Variants in ATG10 observed in about 807,000 individuals in gnomAD.
ATG10 encodes the protein ubiquitin-like-conjugating enzyme ATG10.
A neutral mutation model predicts 32.1 loss-of-function variants in ATG10; 30 were observed. The observed-to-expected ratio is 0.94, with a 90% confidence interval of 0.70 to 1.27. The LOEUF (loss-of-function observed/expected upper bound fraction) is 1.27, where lower values mean the gene tolerates loss of function less well. Among genes scored for constraint, ATG10 ranks in the 50% most tolerant of loss-of-function variants. The pLI is 0.00. For synonymous variants in ATG10, 87 were observed against 91.5 expected (o/e 0.95, Z 0.28); for missense variants, 233 against 262.3 (o/e 0.89, Z 0.77).
chr5:82,078,377 A>T lies in ATG10; in HGVS notation c.216+19775A>T, dbSNP rs551449260. 4 of 152,324 alleles carry T rather than the reference A, an allele frequency of 2.6e-5. No individual in the cohort carries two copies. The South Asian group carries it at 6.2e-4, about 24-fold the overall frequency. The allele number at this position is 152,324 out of a possible 1,614,324, so 9.4% of individuals were successfully genotyped here. A position where few individuals can be genotyped will look rare whatever the true frequency, so the allele number is the denominator to read the frequency against. On this transcript the variant is annotated intron_variant, in intron 3 of 7. Coordinates refer to ENST00000282185, the MANE Select transcript of ATG10 (RefSeq NM_031482.5). The stretch of plus-strand genomic sequence containing the variant: ...TTCCTATGACTGCTGTAACACTCCT[A>T]TAGGAAAAGTGGGGAAAGCTTCAGC...
At chr5:82,178,162 G>A (rs911393723) in intron 4 of ATG10, among the ~76,000 whole-genome samples, 6 of 152,064 alleles carry the variant, frequency 3.9e-5, no homozygotes, top group South Asian at 2.1e-4. Flanking sequence ...TATGAATATG[G>A]GAGTCTGTTG....
chr5:82,132,851 G>A (rs563521277), intron 3 of ATG10, among the ~76,000 whole-genome samples: 9 of 152,114 alleles, frequency 5.9e-5, no homozygotes, highest in East Asian at 5.9e-4. Context: ...TTTACACTCC[G>A]ACCAACAGTG....
chr5:82,166,578 A>G (rs952123529), intron 4 of ATG10, among the ~76,000 whole-genome samples: 10 of 152,120 alleles, frequency 6.6e-5, no homozygotes, highest in East Asian at 1.9e-4. Flanking sequence ...AAATGTATCA[A>G]CCTTTACTCT....
chr5:82,165,662 G>A (rs1743544541), intron 4 of ATG10, among the ~76,000 whole-genome samples: 1 of 152,104 alleles, frequency 6.6e-6, no homozygotes, highest in Admixed American at 6.6e-5. Context: ...TCTTGCTGTG[G>A]ATTTATCCAT....
intron 3 of ATG10, among the ~76,000 whole-genome samples, chr5:82,128,123 T>G (rs979768318): frequency 7.2e-5 from 11 of 152,210 alleles, no homozygotes; most frequent in African/African-American, 2.6e-4. Context: ...TTTTGTTTTT[T>G]TGCCTTCCAT....
intron 3 of ATG10, among the ~76,000 whole-genome samples, chr5:82,161,751 A>G (rs1743357146): frequency 1.4e-5 from 2 of 147,208 alleles, no homozygotes; most frequent in South Asian, 4.4e-4. Flanking sequence ...GGTGACATTT[A>G]AAGTCAATGG....
chr5:82,088,640 T>A (rs1764770718), intron 3 of ATG10, among the ~76,000 whole-genome samples: 1 of 152,080 alleles, frequency 6.6e-6, no homozygotes, highest in Admixed American at 6.6e-5. Flanking sequence ...AAAGAAAAAA[T>A]TGAAAGGCTT....
chr5:82,134,704 G>A (rs1188328130), intron 3 of ATG10, among the ~76,000 whole-genome samples: 5 of 50,782 alleles, frequency 9.8e-5, no homozygotes, highest in African/African-American at 2.0e-4. Context: ...TTGTGTCTCC[G>A]CCAGGTTTTG....
intron 5 of ATG10, among the ~76,000 whole-genome samples, chr5:82,223,918 C>T (rs1435461023): frequency 6.6e-6 from 1 of 151,920 alleles, no homozygotes; most frequent in Non-Finnish European, 1.5e-5. Context: ...GGGATGAACC[C>T]AGAGGTGAGG....
intron 3 of ATG10, among the ~76,000 whole-genome samples, chr5:82,101,748 A>G (rs1251843612): frequency 6.6e-6 from 1 of 152,186 alleles, no homozygotes; most frequent in East Asian, 1.9e-4. Flanking sequence ...TTATCAGGGA[A>G]GTTTTAGGAA....
At chr5:82,229,147 G>A (rs767427926) in intron 5 of ATG10, among the ~76,000 whole-genome samples, 27 of 152,136 alleles carry the variant, frequency 1.8e-4, no homozygotes, top group South Asian at 2.1e-4. Flanking sequence ...TTTGTGAAAC[G>A]AGCTATTTCT....
intron 3 of ATG10, among the ~76,000 whole-genome samples, chr5:82,133,868 C>G (rs2407062): frequency 6.6e-6 from 1 of 151,916 alleles, no homozygotes; most frequent in Admixed American, 6.6e-5. Flanking sequence ...AATGTTTTTC[C>G]ATTTGTTCGT....
In ATG10 at chr5:82,190,261, T is replaced by C. The variant is rs562481847; in HGVS notation, c.453+11674T>C. ...AAATATCATAAAGAAGAATTATTCA[T>C]AATCCCAAATGTTAAAAGTTACCAC... On this transcript the variant is annotated intron_variant, in intron 5 of 7. Transcript: ENST00000282185. Among the ~76,000 whole-genome samples the C allele has an allele frequency of 1.2e-3, 185 of 152,166 alleles. 4 individuals carry two copies. Among genetic ancestry groups the C allele is most frequent in the Admixed American group, 2.6e-3 (39 of 15,288 alleles).
chr5:82,076,744 A>T (rs1377721889), intron 3 of ATG10, among the ~76,000 whole-genome samples: 1 of 152,244 alleles, frequency 6.6e-6, no homozygotes, highest in Non-Finnish European at 1.5e-5. Context: ...AATTCATAGA[A>T]TAGTAGACTA....
intron 3 of ATG10, among the ~76,000 whole-genome samples, chr5:82,094,504 T>G (rs917461590): frequency 2.0e-5 from 3 of 152,182 alleles, no homozygotes; most frequent in African/African-American, 7.2e-5. Flanking sequence ...TGGAATGCTA[T>G]CTGGTAATAT....
At chr5:82,237,511 G>A (rs1053180654) in intron 5 of ATG10, among the ~76,000 whole-genome samples, 4 of 152,000 alleles carry the variant, frequency 2.6e-5, no homozygotes, top group African/African-American at 9.7e-5. Flanking sequence ...GGACATGGTG[G>A]CGTGCACCTC....
intron 3 of ATG10, among the ~76,000 whole-genome samples, chr5:82,116,817 T>C (rs949820823): frequency 6.6e-6 from 1 of 152,120 alleles, no homozygotes; most frequent in East Asian, 1.9e-4. Flanking sequence ...GATACCAGGG[T>C]AAAACATCAT....
chr5:82,106,321 C>A (rs1765442250), intron 3 of ATG10, among the ~76,000 whole-genome samples: 1 of 152,102 alleles, frequency 6.6e-6, no homozygotes. Context: ...TAAAGTGGAC[C>A]TTTCTAGTTC....
At chr5:82,093,447 A>G (rs769785356) in intron 3 of ATG10, among the ~76,000 whole-genome samples, 7 of 152,174 alleles carry the variant, frequency 4.6e-5, no homozygotes, top group African/African-American at 7.2e-5. Flanking sequence ...GCTCTTTTGA[A>G]AAATATCTTC....
Sources: gnomAD v4.1 joint callset for allele counts (sites outside exome capture counted in the v4.1 genomes callset) on GRCh38, gnomAD v4.1.1 for gene constraint, MANE v1.5 for transcripts, NCBI Gene and HGNC (gene_info 2026-07-23, HGNC 2026-07-21) for gene names.